CCDC66: variants seen among roughly 807,000 people sequenced by gnomAD.
CCDC66 encodes coiled-coil domain-containing protein 66.
A neutral mutation model predicts 128.3 loss-of-function variants in CCDC66; 133 were observed. The ratio of observed to expected loss-of-function variants is 1.04; its 90% CI spans 0.90 to 1.20. The LOEUF is 1.20. Ranked by LOEUF, CCDC66 falls within the 50% of genes most tolerant of loss-of-function variation. The pLI is 0.00. For synonymous variants in CCDC66, 387 were observed against 357.0 expected, an observed-to-expected ratio of 1.08 and a Z score of -0.95; for missense variants, 1,126 against 1,075.5, an observed-to-expected ratio of 1.05 and a Z score of -0.66.
intron 4 of CCDC66, among the ~76,000 whole-genome samples, chr3:56,564,649 A>G (rs770738866): frequency 6.6e-6 from 1 of 152,226 alleles, no homozygotes; most frequent in Non-Finnish European, 1.5e-5. Flanking sequence ...AGAGTGTTAC[A>G]TGCTTTGTCT....
chr3:56,560,351 A>G (rs2064933554), intron 3 of CCDC66, among the ~76,000 whole-genome samples: 1 of 152,184 alleles, frequency 6.6e-6, no homozygotes, highest in Non-Finnish European at 1.5e-5. Flanking sequence ...GACCGTGTGC[A>G]TGAGCCACCA....
intron 7 of CCDC66, among the ~76,000 whole-genome samples, chr3:56,591,201 T>G (rs770038873): frequency 2.9e-4 from 44 of 152,172 alleles, no homozygotes; most frequent in Non-Finnish European, 6.2e-4. Flanking sequence ...CATCCTTGAG[T>G]AAGAAATTAA....
Position 56,619,399 on chromosome 3 carries a change from T to C in CCDC66, c.2507T>C (p.Leu836Ser), listed in dbSNP as rs61747994. The C allele has an allele frequency of 0.049, 79,833 of 1,613,424 alleles. 2,219 individuals carry two copies. The highest frequency in any genetic ancestry group is 0.098 in the East Asian group (4,406 of 44,858). The change falls in exon 16 of 18, where the codon TTA (leucine) becomes TCA (serine). Residue 836 changes from leucine (L) to serine (S), a missense_variant. Transcript: ENST00000394672. ...NLISGSNQTE[L>S]SSGISESSHF... ...ATCTCAGGAAGTAATCAAACAGAAT[T>C]ATCATCTGGGATTTCTGAATCATCC...
chr3:56,560,603 C>G (rs149655045), intron 3 of CCDC66, among the ~76,000 whole-genome samples: 1 of 152,072 alleles, frequency 6.6e-6, no homozygotes, highest in African/African-American at 2.4e-5. Flanking sequence ...GGCGCTAGTC[C>G]CAGCTACTTA....
chr3:56,585,938 C>CT (rs1469376294), intron 7 of CCDC66, among the ~76,000 whole-genome samples: 5 of 151,786 alleles, frequency 3.3e-5, no homozygotes, highest in African/African-American at 1.2e-4. Context: ...ACAAAAGTCT[C>CT]TAAGACATTG....
At chr3:56,575,928 T>C (rs2067295136) in intron 7 of CCDC66, among the ~76,000 whole-genome samples, 1 of 151,832 alleles carries the variant, frequency 6.6e-6, no homozygotes, top group Admixed American at 6.6e-5. Flanking sequence ...TCCATTAGTC[T>C]GTCTGTATGC....
At chr3:56,574,239 G>A (rs979591906) in intron 7 of CCDC66, among the ~76,000 whole-genome samples, 3 of 151,452 alleles carry the variant, frequency 2.0e-5, no homozygotes, top group Non-Finnish European at 2.9e-5. Flanking sequence ...GCACGTGCCT[G>A]TAGTCCCAGC....
At position 56,618,035 on chromosome 3, in the gene CCDC66, T is replaced by C; in HGVS notation, c.2338-137T>C. 3 of 715,058 alleles carry C rather than the reference T, an allele frequency of 4.2e-6. No individual in the cohort carries two copies. In the South Asian group the frequency reaches 4.9e-5, roughly 12 times the overall value. 44.3% of individuals were successfully genotyped at this position (715,058 alleles called of 1,614,324 possible). On this transcript the variant is annotated intron_variant, in intron 14 of 17. Transcript: ENST00000394672. Reference sequence around the variant, plus strand: ...AGTTTTGACTCTGGAAAAAACTATATCTATTCCATTGCTCAGTCAGTACCT... The same window carrying C: ...AGTTTTGACTCTGGAAAAAACTATACCTATTCCATTGCTCAGTCAGTACCT...
chr3:56,593,675 C>A lies in CCDC66; in HGVS notation c.1253C>A (p.Pro418His). 6.2e-7 allele frequency: 1 copy of A among 1,614,180 alleles called. No homozygotes were observed. The highest frequency in any genetic ancestry group is 2.2e-5 in the East Asian group (1 of 44,886). The change falls in exon 9 of 18, where the codon CCT becomes CAT. Residue 418 changes from proline to histidine, a missense_variant. Pro to His is a moderately conservative substitution (Grantham distance 77). Transcript: ENST00000394672. ...CCTACAACCGGAAGCCAGGTTGAAC[C>A]TTCAGAGGAGGAGCATATAGCAAAA... Reference protein sequence around the residue: ...CTPTTGSQVEPSEEEHIAKPI... With the variant: ...CTPTTGSQVEHSEEEHIAKPI...
chr3:56,582,433 G>T (rs888428327), intron 7 of CCDC66, among the ~76,000 whole-genome samples: 10 of 151,832 alleles, frequency 6.6e-5, no homozygotes, highest in Non-Finnish European at 4.4e-5. Context: ...AGATGAACCT[G>T]GTACCTCAGT....
At chr3:56,587,061 A>G (rs948959119) in intron 7 of CCDC66, among the ~76,000 whole-genome samples, 1 of 151,908 alleles carries the variant, frequency 6.6e-6, no homozygotes, top group African/African-American at 2.4e-5. Flanking sequence ...ATAAGATGCC[A>G]ATATATTATT....
chr3:56,559,703 G>C (rs1272111020), intron 3 of CCDC66, 109 bp downstream of exon 3: 2 of 770,940 alleles, frequency 2.6e-6, no homozygotes, highest in East Asian at 6.2e-5. Context: ...AAGGGGTTTG[G>C]AATTATAGTG....
Position 56,619,773 on chromosome 3 carries a change from T to TTAGAC in CCDC66, c.2636-2_2638dup. On this transcript the variant is annotated splice_polypyrimidine_tract_variant and splice_region_variant and intron_variant, in intron 16 of 17. Transcript: ENST00000394672. ...ACTGACTTGTTACTTTCATCTGGCT[T>TTAGAC]TAGACTGTGGCCAAAAACGACAGCT... 1 of 1,613,980 alleles carries TTAGAC rather than the reference T, an allele frequency of 6.2e-7. No homozygotes were observed. The highest frequency in any genetic ancestry group is 1.1e-5 in the South Asian group (1 of 91,012).
At chr3:56,564,252 A>G (rs1328552091) in intron 4 of CCDC66, 127 bp downstream of exon 4, 2 of 678,580 alleles carry the variant, frequency 2.9e-6, no homozygotes, top group Admixed American at 7.1e-5. Flanking sequence ...CTATTAAAAT[A>G]ATTGTTCTTT....
chr3:56,596,262 A>G (rs900123867), intron 10 of CCDC66, among the ~76,000 whole-genome samples: 2 of 152,072 alleles, frequency 1.3e-5, no homozygotes, highest in African/African-American at 4.8e-5. Flanking sequence ...AGGCGATATG[A>G]TATCTCATTA....
At chr3:56,575,419 A>G (rs1171448422) in intron 7 of CCDC66, among the ~76,000 whole-genome samples, 1 of 151,754 alleles carries the variant, frequency 6.6e-6, no homozygotes, top group Non-Finnish European at 1.5e-5. Context: ...TCCTTTGCCC[A>G]TTTCAGTCAG....
At chr3:56,590,735 A>G (rs2070730645) in intron 7 of CCDC66, among the ~76,000 whole-genome samples, 1 of 151,980 alleles carries the variant, frequency 6.6e-6, no homozygotes, top group East Asian at 1.9e-4. Context: ...CCTGGGTGAC[A>G]GTGAGACCCT....
At chr3:56,571,368 A>T in intron 7 of CCDC66, 66 bp downstream of exon 7, 1 of 1,168,114 alleles carries the variant, frequency 8.6e-7, no homozygotes, top group Non-Finnish European at 1.2e-6. Flanking sequence ...TTTATTTTTA[A>T]AGCTTATTAA....
chr3:56,596,420 G>T (rs992825632), intron 10 of CCDC66, among the ~76,000 whole-genome samples: 1 of 151,934 alleles, frequency 6.6e-6, no homozygotes, highest in Admixed American at 6.6e-5. Context: ...GTGTGTGTGT[G>T]TGTTTAGTTT....
Sources: gnomAD v4.1 joint callset for allele counts (sites outside exome capture counted in the v4.1 genomes callset) on GRCh38, gnomAD v4.1.1 for gene constraint, MANE v1.5 for transcripts, NCBI Gene and HGNC (gene_info 2026-07-23, HGNC 2026-07-21) for gene names.